Variants in TBX15 observed in about 807,000 individuals in gnomAD.
The protein encoded by TBX15 is T-box transcription factor TBX15.
In TBX15, 18 loss-of-function variants were observed where a neutral mutation model predicts 53.9. The ratio of observed to expected loss-of-function variants is 0.33; its 90% CI spans 0.23 to 0.49. TBX15 has a LOEUF of 0.49. Ranked by LOEUF, TBX15 falls within the 20% of genes least tolerant of loss-of-function variation. TBX15 has a pLI of 0.98. For missense variants in TBX15, 692 were observed against 749.5 expected (o/e 0.92, Z 0.90); for synonymous variants, 295 against 278.0 (o/e 1.06, Z -0.61).
chr1:118,921,126 C>G (rs954631375), intron 5 of TBX15, among the ~76,000 whole-genome samples: 1 of 152,060 alleles, frequency 6.6e-6, no homozygotes, highest in African/African-American at 2.4e-5. Flanking sequence ...CTGCAGTGAG[C>G]CATGTTCACA....
At chr1:118,910,593 GC>G (rs2101552126) in intron 6 of TBX15, among the ~76,000 whole-genome samples, 1 of 152,236 alleles carries the variant, frequency 6.6e-6, no homozygotes, top group South Asian at 2.1e-4. Context: ...AATAATTGTT[GC>G]CCTTATCAGA....
At chr1:118,943,625 G>A (rs973759450) in intron 1 of TBX15, among the ~76,000 whole-genome samples, 5 of 152,338 alleles carry the variant, frequency 3.3e-5, no homozygotes, top group Middle Eastern at 3.4e-3. Flanking sequence ...CAGAGAAGCA[G>A]AGATAGCAAC....
chr1:118,969,001 A>G (rs1340839841), intron 1 of TBX15, among the ~76,000 whole-genome samples: 3 of 152,346 alleles, frequency 2.0e-5, no homozygotes, highest in East Asian at 1.9e-4. Flanking sequence ...GGCATAATCA[A>G]TACATCACCT....
intron 1 of TBX15, among the ~76,000 whole-genome samples, chr1:118,984,444 G>A (rs1657751534): frequency 6.6e-6 from 1 of 152,262 alleles, no homozygotes; most frequent in Non-Finnish European, 1.5e-5. Context: ...GAGGACTCCG[G>A]GTGGAGCAGG....
At chr1:118,957,405 G>A (rs1656726458) in intron 1 of TBX15, among the ~76,000 whole-genome samples, 1 of 152,112 alleles carries the variant, frequency 6.6e-6, no homozygotes. Flanking sequence ...GCACTGGCCT[G>A]GAGTGAAAAA....
At chr1:118,985,486 C>G (rs1419643392) in intron 1 of TBX15, among the ~76,000 whole-genome samples, 1 of 152,232 alleles carries the variant, frequency 6.6e-6, no homozygotes, top group Admixed American at 6.5e-5. Flanking sequence ...GCCCTTTTTA[C>G]TAAAAGATCT....
chr1:118,930,185 A>G (rs1040255234), intron 2 of TBX15, among the ~76,000 whole-genome samples: 1 of 152,232 alleles, frequency 6.6e-6, no homozygotes, highest in Non-Finnish European at 1.5e-5. Context: ...GTTTCCTTAT[A>G]TACACGTAGA....
At chr1:118,945,628 C>T (rs1027604549) in intron 1 of TBX15, among the ~76,000 whole-genome samples, 1 of 152,234 alleles carries the variant, frequency 6.6e-6, no homozygotes, top group Non-Finnish European at 1.5e-5. Context: ...GAACCCAACA[C>T]TCAGAGAATG....
intron 6 of TBX15, among the ~76,000 whole-genome samples, chr1:118,909,781 T>C (rs1766785): frequency 0.65 from 98,282 of 151,978 alleles, 32,452 homozygotes; most frequent in Middle Eastern, 0.7. Flanking sequence ...CAAGGTTTCA[T>C]CACGTTGGCC....
At position 118,893,394 on chromosome 1, in the gene TBX15, AAAGAAAGAAAGAAAGG is replaced by A. The variant is rs1310281488; in HGVS notation, c.1024+5618_1024+5633del. 2.8e-4 allele frequency among the ~76,000 whole-genome samples: 38 copies of A among 135,972 alleles called. 1 individual carries two copies. The highest frequency in any genetic ancestry group is 1.1e-3 in the African/African-American group (36 of 33,812). 89.2% of individuals were successfully genotyped at this position (135,972 alleles called of 152,430 possible). A position where few individuals can be genotyped will look rare whatever the true frequency, so the allele number is the denominator to read the frequency against. The stretch of plus-strand genomic sequence containing the variant: ...GAAAGAAAGAAAGAAAGAAAGAAAG[AAAGAAAGAAAGAAAGG>A]AAGAAGGAAAGAAAGATGGAAGGAA... On this transcript the variant is annotated intron_variant, in intron 7 of 7. Coordinates refer to ENST00000369429, the MANE Select transcript of TBX15 (RefSeq NM_001330677.2).
rs1257599416 is a variant in TBX15, at chr1:118,944,892, G to A, written c.206-13060C>T. Reference sequence around the variant, plus strand: ...TCCTGAGCACCTGGGCTTGCGATTCGAGCACTCCTCTTCCCAGGGAATGGG... The same window carrying A: ...TCCTGAGCACCTGGGCTTGCGATTCAAGCACTCCTCTTCCCAGGGAATGGG... On this transcript the variant is annotated intron_variant, in intron 1 of 7. Transcript: ENST00000369429. Among the ~76,000 whole-genome samples the A allele has an allele frequency of 3.9e-5, 6 of 152,282 alleles. No individual in the cohort carries two copies. In the South Asian group the frequency reaches 6.2e-4, roughly 16 times the overall value.
intron 1 of TBX15, among the ~76,000 whole-genome samples, chr1:118,976,340 C>G (rs114881273): frequency 0.016 from 2,406 of 152,274 alleles, 60 homozygotes; most frequent in African/African-American, 0.056. Context: ...GCAACACCCA[C>G]TAATCCTCTA....
intron 5 of TBX15, among the ~76,000 whole-genome samples, chr1:118,922,310 C>T (rs957798221): frequency 6.6e-6 from 1 of 152,158 alleles, no homozygotes; most frequent in African/African-American, 2.4e-5. Context: ...GCCATTGCAG[C>T]TCCTCCAATT....
chr1:118,946,967 T>C (rs762541840), intron 1 of TBX15, among the ~76,000 whole-genome samples: 8 of 152,224 alleles, frequency 5.3e-5, no homozygotes, highest in Non-Finnish European at 1.0e-4. Flanking sequence ...TTTCTCCTTA[T>C]GTGTGCCAAA....
chr1:118,921,070 TC>T (rs1217365492), intron 5 of TBX15, among the ~76,000 whole-genome samples: 2 of 17,562 alleles, frequency 1.1e-4, no homozygotes, highest in East Asian at 8.4e-3. Context: ...CCAGCTACAG[TC>T]AGAAAGCTGA....
chr1:118,966,260 C>T (rs1276736364), intron 1 of TBX15, among the ~76,000 whole-genome samples: 1 of 152,108 alleles, frequency 6.6e-6, no homozygotes, highest in East Asian at 1.9e-4. Flanking sequence ...AACTGGAGGC[C>T]CATGAACAGA....
At chr1:118,939,444 A>AAAC (rs1656091411) in intron 1 of TBX15, among the ~76,000 whole-genome samples, 5 of 136,012 alleles carry the variant, frequency 3.7e-5, no homozygotes, top group African/African-American at 1.4e-4. Flanking sequence ...AAACAAAAAC[A>AAAC]GGAACAGAAA....
chr1:118,981,043 G>C, intron 1 of TBX15, among the ~76,000 whole-genome samples: 1 of 152,088 alleles, frequency 6.6e-6, no homozygotes, highest in Non-Finnish European at 1.5e-5. Flanking sequence ...ATCTTGGCCA[G>C]GCTGGTCTTG....
At chr1:118,922,292 C>T (rs1655449952) in intron 5 of TBX15, among the ~76,000 whole-genome samples, 1 of 152,160 alleles carries the variant, frequency 6.6e-6, no homozygotes. Context: ...ATTATAATTC[C>T]TTTGAGAGCC....
Sources: allele counts gnomAD v4.1 joint callset (sites outside exome capture counted in the v4.1 genomes callset), GRCh38; gene constraint gnomAD v4.1.1; transcripts MANE v1.5; gene names NCBI Gene and HGNC (gene_info 2026-07-23, HGNC 2026-07-21).